Variants in MICU1 observed in about 807,000 individuals in gnomAD.
The protein encoded by MICU1 is mitochondrial calcium uptake 1, also known as calcium uptake protein 1, mitochondrial.
MICU1 carries 45 observed loss-of-function variants against 56.8 expected under a neutral mutation model. That is an observed-to-expected ratio of 0.79 (90% CI 0.62 to 1.02). The LOEUF is 1.02. Among genes scored for constraint, MICU1 ranks in the 50% least tolerant of loss-of-function variants. The probability of loss-of-function intolerance (pLI) is 0.00; values close to 1 mark genes in which losing one functional copy is unlikely to be tolerated. For synonymous variants in MICU1, 186 were observed against 195.1 expected, an observed-to-expected ratio of 0.95 and a Z score of 0.39; for missense variants, 504 against 587.1, an observed-to-expected ratio of 0.86 and a Z score of 1.46.
intron 6 of MICU1, among the ~76,000 whole-genome samples, chr10:72,490,616 G>A (rs1217409198): frequency 2.0e-5 from 3 of 152,062 alleles, no homozygotes; most frequent in Admixed American, 6.6e-5. Flanking sequence ...AGAGTTATGG[G>A]GGTCCTTTCC....
chr10:72,567,736 G>C (rs568175327), intron 1 of MICU1, among the ~76,000 whole-genome samples: 42 of 152,250 alleles, frequency 2.8e-4, no homozygotes, highest in Non-Finnish European at 6.0e-4. Context: ...CTTAGGAGCT[G>C]GGTGCCATTG....
chr10:72,413,280 A>C (rs1253625001), intron 9 of MICU1, among the ~76,000 whole-genome samples: 1 of 152,238 alleles, frequency 6.6e-6, no homozygotes, highest in Non-Finnish European at 1.5e-5. Flanking sequence ...TGACTAAGGC[A>C]AGAGTTCTTA....
intron 6 of MICU1, among the ~76,000 whole-genome samples, chr10:72,495,048 A>G (rs1260281335): frequency 6.6e-6 from 1 of 152,170 alleles, no homozygotes; most frequent in African/African-American, 2.4e-5. Context: ...TGTGTTATAG[A>G]AAGATTATTC....
intron 10 of MICU1, among the ~76,000 whole-genome samples, chr10:72,393,156 C>T (rs1307390350): frequency 1.3e-5 from 2 of 152,168 alleles, no homozygotes; most frequent in Non-Finnish European, 2.9e-5. Flanking sequence ...CATTTGTTGA[C>T]TATATAATTA....
At chr10:72,417,778 A>G (rs369737307) in intron 9 of MICU1, among the ~76,000 whole-genome samples, 2 of 152,242 alleles carry the variant, frequency 1.3e-5, no homozygotes, top group South Asian at 2.1e-4. Flanking sequence ...TAAAACAGCT[A>G]GAGACACTGA....
chr10:72,623,129 C>T (rs1224159082), intron 1 of MICU1, among the ~76,000 whole-genome samples: 2 of 151,322 alleles, frequency 1.3e-5, no homozygotes, highest in Non-Finnish European at 1.5e-5. Flanking sequence ...ATTAGCCGGG[C>T]GTGGTGGCGC....
intron 11 of MICU1, among the ~76,000 whole-genome samples, chr10:72,371,410 T>C (rs572676711): frequency 2.7e-3 from 394 of 145,786 alleles, no homozygotes; most frequent in African/African-American, 9.4e-3. Flanking sequence ...AAAAAAGCCT[T>C]GCTTGGCTGA....
rs138562790 is a variant in MICU1, at chr10:72,563,261, A to G, written c.162-198T>C. Among the ~76,000 whole-genome samples, 25 of 152,332 alleles carry G rather than the reference A, an allele frequency of 1.6e-4. 1 individual carries two copies. Among genetic ancestry groups the G allele is most frequent in the African/African-American group, 6.0e-4 (25 of 41,582 alleles). ...ATCCCAAAGAAATGAAAGGGTCTCAAATAAATATTTGCACATCCATGTTCA... is the reference window on the plus strand; with the variant it reads ...ATCCCAAAGAAATGAAAGGGTCTCAGATAAATATTTGCACATCCATGTTCA... On this transcript the variant is annotated intron_variant, in intron 2 of 11. Transcript: ENST00000361114.
chr10:72,463,245 T>C (rs1367384515), intron 8 of MICU1, among the ~76,000 whole-genome samples: 1 of 152,156 alleles, frequency 6.6e-6, no homozygotes, highest in Non-Finnish European at 1.5e-5. Flanking sequence ...GTATTTTTAG[T>C]AGAGACGCGG....
At chr10:72,454,901 C>T (rs1865411252) in intron 8 of MICU1, among the ~76,000 whole-genome samples, 3 of 152,028 alleles carry the variant, frequency 2.0e-5, no homozygotes, top group Admixed American at 6.6e-5. Flanking sequence ...AAACCTAGTT[C>T]AGTACAAGCT....
chr10:72,448,984 G>A (rs1865208874), intron 8 of MICU1, among the ~76,000 whole-genome samples: 1 of 152,164 alleles, frequency 6.6e-6, no homozygotes, highest in African/African-American at 2.4e-5. Flanking sequence ...ACCCAGGCTG[G>A]AGTGCAGTGG....
chr10:72,523,481 T>TA (rs1452308592), intron 5 of MICU1, among the ~76,000 whole-genome samples: 1 of 152,162 alleles, frequency 6.6e-6, no homozygotes, highest in African/African-American at 2.4e-5. Context: ...GTACTAATAA[T>TA]AAGATACCTA....
At position 72,606,093 on chromosome 10, in the gene MICU1, T is replaced by A. The variant is rs545375876; in HGVS notation, c.-2+19917A>T. Reference sequence around the variant, plus strand: ...TTGCAGTGAGCCAAGATTGCACCACTGCACTCCAGCCTAGACGACAGAGTG... The same window carrying A: ...TTGCAGTGAGCCAAGATTGCACCACAGCACTCCAGCCTAGACGACAGAGTG... On this transcript the variant is annotated intron_variant, in intron 1 of 11. Coordinates refer to ENST00000361114, the MANE Select transcript of MICU1 (RefSeq NM_001195518.2). 7.5e-5 allele frequency among the ~76,000 whole-genome samples: 11 copies of A among 147,472 alleles called. No homozygotes were observed. In the East Asian group the frequency reaches 2.2e-3, roughly 29 times the overall value.
intron 6 of MICU1, among the ~76,000 whole-genome samples, chr10:72,477,879 T>A (rs929578975): frequency 2.0e-5 from 3 of 149,874 alleles, no homozygotes; most frequent in African/African-American, 7.3e-5. Context: ...TTTTTTTTCT[T>A]TTTTTTTTTG....
At chr10:72,563,275 C>A (rs1840345350) in intron 2 of MICU1, among the ~76,000 whole-genome samples, 1 of 152,168 alleles carries the variant, frequency 6.6e-6, no homozygotes, top group South Asian at 2.1e-4. Flanking sequence ...AATATTTGCA[C>A]ATCCATGTTC....
intron 4 of MICU1, among the ~76,000 whole-genome samples, chr10:72,549,110 C>T (rs552207872): frequency 8.6e-5 from 13 of 151,648 alleles, no homozygotes; most frequent in South Asian, 2.1e-4. Context: ...CAAAATATTA[C>T]GAACTTTCTG....
Position 72,563,062 on chromosome 10 carries a change from C to A in MICU1, c.163G>T (p.Ala55Ser). The A allele has an allele frequency of 6.5e-7, 1 of 1,532,210 alleles. No homozygotes were observed. Among genetic ancestry groups the A allele is most frequent in the Non-Finnish European group, 8.7e-7 (1 of 1,143,534 alleles). 94.9% of individuals were successfully genotyped at this position (1,532,210 alleles called of 1,614,324 possible). ...ACACATGGTGGAGATTCTGCATGGG[C>A]CCTGGATATGCAAAAAAGAAATCTA... is the stretch of plus-strand genomic sequence containing the variant. ...TASTGLLWKR[A>S]HAESPPCVDN... The change falls in exon 3 of 12, where the codon GCC becomes TCC. Residue 55 changes from alanine (A) to serine (S), a missense_variant and splice_region_variant. Physicochemically the swap from Ala to Ser is moderately conservative, Grantham distance 99 (BLOSUM62 1). Transcript: ENST00000361114.
At chr10:72,376,873 T>A (rs527778276) in intron 10 of MICU1, among the ~76,000 whole-genome samples, 9 of 151,072 alleles carry the variant, frequency 6.0e-5, no homozygotes, top group Non-Finnish European at 1.3e-4. Context: ...TTATGCCATA[T>A]ATATTTTTAT....
At chr10:72,535,004 T>TA (rs1205320531) in intron 4 of MICU1, among the ~76,000 whole-genome samples, 4,084 of 92,092 alleles carry the variant, frequency 0.044, 674 homozygotes, top group Non-Finnish European at 0.053. Flanking sequence ...TCTCCCTCTA[T>TA]TTTTTATTTT....
Sources: gnomAD v4.1 joint callset for allele counts (sites outside exome capture counted in the v4.1 genomes callset) on GRCh38, gnomAD v4.1.1 for gene constraint, MANE v1.5 for transcripts, NCBI Gene and HGNC (gene_info 2026-07-23, HGNC 2026-07-21) for gene names.